Variants in SH3PXD2B observed in about 807,000 individuals in gnomAD.
SH3PXD2B encodes SH3 and PX domain-containing protein 2B.
A neutral mutation model predicts 73.1 loss-of-function variants in SH3PXD2B; 37 were observed. The observed-to-expected ratio is 0.51, with a 90% CI of 0.39 to 0.67. The LOEUF (loss-of-function observed/expected upper bound fraction) is 0.67. SH3PXD2B is among the 30% of genes least tolerant of loss of function. SH3PXD2B has a pLI of 0.00. For missense variants in SH3PXD2B, 1,053 were observed against 1,197.8 expected (o/e 0.88, Z 1.78); for synonymous variants, 457 against 480.5 (o/e 0.95, Z 0.64).
rs753041286 is a variant in SH3PXD2B, at chr5:172,338,785, G to T, written c.2320C>A (p.Pro774Thr). 2.3e-5 allele frequency: 37 copies of T among 1,614,070 alleles called. No homozygotes were observed. The highest frequency in any genetic ancestry group is 3.1e-5 in the Non-Finnish European group (37 of 1,180,030). The change falls in exon 13 of 13, where the codon CCG (proline) becomes ACG (threonine). Residue 774 changes from proline (P) to threonine (T), a missense_variant. By Grantham distance (38) the Pro-to-Thr change is conservative (BLOSUM62 -1). Coordinates refer to ENST00000311601, the MANE Select transcript of SH3PXD2B (RefSeq NM_001017995.3). The surrounding 1 kb of genome is among the most constrained non-coding windows in gnomAD (Gnocchi z 5.1). Reference sequence around the variant, plus strand: ...TGTGGACCTCTGACCTCTGGGAGCGGCCTGGATGACGAAGAGGTTTTCTTT... The same window carrying T: ...TGTGGACCTCTGACCTCTGGGAGCGTCCTGGATGACGAAGAGGTTTTCTTT... The part of the protein sequence containing the change: ...PPKKTSSSSR[P>T]LPEVRGPQCE...
At chr5:172,410,094 C>G (rs767099799) in intron 2 of SH3PXD2B, among the ~76,000 whole-genome samples, 5 of 152,226 alleles carry the variant, frequency 3.3e-5, no homozygotes, top group Non-Finnish European at 5.9e-5. Flanking sequence ...GTGACTAGAG[C>G]TGCAATCAAC....
At chr5:172,430,873 T>G (rs2113481440) in intron 1 of SH3PXD2B, among the ~76,000 whole-genome samples, 1 of 152,168 alleles carries the variant, frequency 6.6e-6, no homozygotes, top group South Asian at 2.1e-4. Context: ...TCTTTCTTTT[T>G]TTTTTTCTTT....
chr5:172,391,391 G>C (rs4868165), intron 4 of SH3PXD2B, among the ~76,000 whole-genome samples: 2 of 151,978 alleles, frequency 1.3e-5, no homozygotes, highest in Admixed American at 6.6e-5. Context: ...TTGAGTTCTT[G>C]GTGTATGTTC....
At chr5:172,417,590 A>AG (rs1200083388) in intron 2 of SH3PXD2B, among the ~76,000 whole-genome samples, 1 of 152,206 alleles carries the variant, frequency 6.6e-6, no homozygotes, top group African/African-American at 2.4e-5. Flanking sequence ...ATGGCCAGCA[A>AG]GTGGCAGAAT....
intron 4 of SH3PXD2B, among the ~76,000 whole-genome samples, chr5:172,388,666 G>T (rs373756190): frequency 1.3e-5 from 2 of 152,332 alleles, no homozygotes; most frequent in South Asian, 4.1e-4. Context: ...GAAGCCCTGG[G>T]TGCAAGGAAA....
At chr5:172,439,268 AACAAAAACAAAACAAAAAAAAAACC>A (rs1561583464) in intron 1 of SH3PXD2B, among the ~76,000 whole-genome samples, 89 of 68,316 alleles carry the variant, frequency 1.3e-3, no homozygotes, top group African/African-American at 4.3e-3. Flanking sequence ...AAAAAACAAA[AACAAAAACAAAACAAAAAAAAAACC>A]CCAAAAAAAA....
chr5:172,450,343 G>C (rs938667707), intron 1 of SH3PXD2B, among the ~76,000 whole-genome samples: 9 of 152,010 alleles, frequency 5.9e-5, no homozygotes, highest in Non-Finnish European at 1.3e-4. Flanking sequence ...GGCGTCCGGG[G>C]GGTTTGCATC....
Position 172,339,482 on chromosome 5 carries a change from C to T in SH3PXD2B, c.1623G>A (p.Arg541=), listed in dbSNP as rs1756798063. The T allele has an allele frequency of 6.2e-7, 1 of 1,612,274 alleles. No individual in the cohort carries two copies. Among genetic ancestry groups the T allele is most frequent in the Non-Finnish European group, 8.5e-7 (1 of 1,179,814 alleles). Residue 541 remains arginine, a synonymous_variant, in exon 13 of 13, where the codon CGG becomes CGA. Transcript: ENST00000311601. This position sits in a 1 kb window ranked among gnomAD's most constrained non-coding sequence, Gnocchi z 6.1. ...KSEGELLERE[R]ERQRTEQLRG... is the part of the protein sequence containing the mutation. ...GGAGCTGCTCCGTCCTCTGCCGCTC[C>T]CGCTCCCGCTCCAGCAGCTCCCCCT...
intron 5 of SH3PXD2B, among the ~76,000 whole-genome samples, chr5:172,376,760 G>A (rs1016413419): frequency 6.6e-6 from 1 of 152,212 alleles, no homozygotes; most frequent in East Asian, 1.9e-4. Context: ...CTGGGTCCTG[G>A]TCAGAAAGCT....
rs530662306 is a variant in SH3PXD2B, at chr5:172,370,544, CG to C, written c.427+3245del. On this transcript the variant is annotated intron_variant, in intron 6 of 12. Transcript: ENST00000311601. ...ACTCTGGGTTGGCTGGAGCACACCC[CG>C]GAGTGGCACAGGGCTCAGGGCTGGC... Among the ~76,000 whole-genome samples, 263 of 152,206 alleles carry C rather than the reference CG, an allele frequency of 1.7e-3. 3 individuals are homozygous for C. The highest frequency in any genetic ancestry group is 6.2e-3 in the African/African-American group (258 of 41,516).
downstream of SH3PXD2B, chr5:172,333,412 A>T (rs1008382992): frequency 3.8e-6 from 3 of 792,008 alleles, no homozygotes; most frequent in Non-Finnish European, 4.8e-6. Context: ...TAGCTGGCAT[A>T]GGTTTCTGTT....
rs563300243 is a variant in SH3PXD2B at position 172,339,189 on chromosome 5, C to T, written c.1916G>A (p.Arg639Lys). The T allele has an allele frequency of 2.5e-6, 4 of 1,614,208 alleles. No individual in the cohort carries two copies. Among genetic ancestry groups the T allele is most frequent in the South Asian group, 2.2e-5 (2 of 91,086 alleles). Residue 639 changes from arginine to lysine, a missense_variant, in exon 13 of 13, where the codon AGA becomes AAA. By Grantham distance (26) the Arg-to-Lys change is conservative. Transcript: ENST00000311601. The surrounding 1 kb of genome is among the most constrained non-coding windows in gnomAD (Gnocchi z 6.1). Reference sequence around the variant, plus strand: ...AGCTGGTTTTGGCCTAACCTGAGGTCTGGACTTCAAGAAGGGATTCTGGGG... The same window carrying T: ...AGCTGGTTTTGGCCTAACCTGAGGTTTGGACTTCAAGAAGGGATTCTGGGG... ...ATPQNPFLKS[R>K]PQVRPKPAPS...
At chr5:172,389,336 G>A (rs1415390361) in intron 4 of SH3PXD2B, among the ~76,000 whole-genome samples, 2 of 152,118 alleles carry the variant, frequency 1.3e-5, no homozygotes, top group African/African-American at 2.4e-5. Flanking sequence ...TTACAGGCAT[G>A]AGCCACCATG....
intron 6 of SH3PXD2B, among the ~76,000 whole-genome samples, chr5:172,372,609 C>T (rs538671740): frequency 6.6e-6 from 1 of 152,240 alleles, no homozygotes; most frequent in East Asian, 1.9e-4. Flanking sequence ...GTAATAAAAA[C>T]GGCATCAAGC....
intron 8 of SH3PXD2B, 44 bp downstream of exon 8, chr5:172,358,729 G>A (rs1757334272): frequency 6.5e-7 from 1 of 1,541,524 alleles, no homozygotes; most frequent in South Asian, 1.2e-5. Context: ...GGCGATGACT[G>A]CACAGGTCCT....
In SH3PXD2B at chr5:172,348,694, T is replaced by TCTATCTATCTATC. The variant is rs1554135170; in HGVS notation, c.1013-1375_1013-1363dup. On this transcript the variant is annotated intron_variant, in intron 10 of 12. Coordinates refer to ENST00000311601, the MANE Select transcript of SH3PXD2B (RefSeq NM_001017995.3). ...ATCTATCTATCTATCTATCTATCTATCTATCTATCTATCTATTTATTTATT... is the reference window on the plus strand; with the variant it reads ...ATCTATCTATCTATCTATCTATCTATCTATCTATCTATCCTATCTATCTATCTATTTATTTATT... Among the ~76,000 whole-genome samples, 10 of 40,114 alleles carry TCTATCTATCTATC rather than the reference T, an allele frequency of 2.5e-4. No homozygotes were observed. The East Asian group carries it at 5.9e-3, about 24-fold the overall frequency. 26.3% of individuals were successfully genotyped at this position (40,114 alleles called of 152,430 possible).
At chr5:172,382,213 G>A in intron 4 of SH3PXD2B, 86 bp from the exon 5 acceptor site, 3 of 1,110,290 alleles carry the variant, frequency 2.7e-6, no homozygotes, top group South Asian at 1.6e-5. Context: ...CTACTCGGGA[G>A]GCTGAGGCAA....
chr5:172,328,602 G>T (rs2113214405), downstream of SH3PXD2B, among the ~76,000 whole-genome samples: 1 of 152,256 alleles, frequency 6.6e-6, no homozygotes, highest in South Asian at 2.1e-4. Flanking sequence ...AGAACAAAAT[G>T]TTAGCTTTAT....
At chr5:172,394,068 C>T (rs201546280) in intron 4 of SH3PXD2B, among the ~76,000 whole-genome samples, 30 of 152,194 alleles carry the variant, frequency 2.0e-4, no homozygotes, top group Admixed American at 6.5e-4. Context: ...CTCGGCCTCC[C>T]GAGTAGCTGG....
Sources: allele counts gnomAD v4.1 joint callset (sites outside exome capture counted in the v4.1 genomes callset), GRCh38; gene constraint gnomAD v4.1.1; non-coding constraint Gnocchi (gnomAD v3.1); transcripts MANE v1.5; gene names NCBI Gene and HGNC (gene_info 2026-07-23, HGNC 2026-07-21).